KDM4C: variants seen among roughly 807,000 people sequenced by gnomAD.
KDM4C encodes lysine-specific demethylase 4C.
In KDM4C, 81 loss-of-function variants were observed where a neutral mutation model predicts 129.3. That is an observed-to-expected ratio of 0.63 (90% confidence interval 0.52 to 0.75). The LOEUF is 0.75. Ranked by LOEUF, KDM4C falls within the 30% of genes least tolerant of loss-of-function variation. The probability of loss-of-function intolerance (pLI) is 0.00; values close to 1 mark genes in which losing one functional copy is unlikely to be tolerated. For missense variants in KDM4C, 1,457 were observed against 1,304.0 expected (o/e 1.12, Z -1.81); for synonymous variants, 573 against 456.1 (o/e 1.26, Z -3.26).
chr9:7,105,333 T>C (rs1447192021), intron 18 of KDM4C: 8 of 426,494 alleles, frequency 1.9e-5, no homozygotes, highest in Non-Finnish European at 3.9e-5. Context: ...CCTGTGCAAG[T>C]TCTTATTTCT....
chr9:6,892,717 T>G (rs1013752587), intron 7 of KDM4C, among the ~76,000 whole-genome samples: 1 of 152,216 alleles, frequency 6.6e-6, no homozygotes, highest in African/African-American at 2.4e-5. Context: ...ACAATGTCAG[T>G]TATTATATGA....
chr9:6,963,337 ATATT>A (rs1163759834), intron 8 of KDM4C, among the ~76,000 whole-genome samples: 1 of 152,224 alleles, frequency 6.6e-6, no homozygotes, highest in Non-Finnish European at 1.5e-5. Flanking sequence ...CATGCAGTAA[ATATT>A]TATTGACCAC....
chr9:7,141,692 G>C (rs73639822), intron 19 of KDM4C, among the ~76,000 whole-genome samples: 2 of 152,122 alleles, frequency 1.3e-5, no homozygotes, highest in African/African-American at 4.8e-5. Context: ...GGTTGTGTTG[G>C]AGTTTCTTCC....
chr9:6,847,240 G>T (rs1489362961), intron 4 of KDM4C, among the ~76,000 whole-genome samples: 5 of 152,138 alleles, frequency 3.3e-5, no homozygotes, highest in African/African-American at 1.2e-4. Context: ...CTTCACTAAT[G>T]ACTTTTAAAT....
chr9:7,124,768 CA>C (rs1478870720), intron 18 of KDM4C, among the ~76,000 whole-genome samples: 3 of 152,228 alleles, frequency 2.0e-5, no homozygotes, highest in Admixed American at 6.5e-5. Context: ...TTTTCCCAAG[CA>C]ACCCAGTAAT....
chr9:6,787,812 T>C (rs1344849030), intron 1 of KDM4C, among the ~76,000 whole-genome samples: 4 of 152,202 alleles, frequency 2.6e-5, no homozygotes, highest in Non-Finnish European at 5.9e-5. Flanking sequence ...TCCAGAAAAG[T>C]TTCTTTAGAG....
chr9:7,140,849 G>C (rs1041129141), intron 19 of KDM4C, among the ~76,000 whole-genome samples: 2 of 152,210 alleles, frequency 1.3e-5, no homozygotes, highest in African/African-American at 4.8e-5. Context: ...GTCCTGGGAT[G>C]ACAGGAATAT....
At chr9:6,910,908 A>G (rs1016554957) in intron 8 of KDM4C, among the ~76,000 whole-genome samples, 1 of 152,212 alleles carries the variant, frequency 6.6e-6, no homozygotes, top group African/African-American at 2.4e-5. Context: ...ACGTTTATTG[A>G]TATGTGTAGA....
At chr9:6,854,028 A>G (rs998331887) in intron 5 of KDM4C, among the ~76,000 whole-genome samples, 1 of 152,182 alleles carries the variant, frequency 6.6e-6, no homozygotes, top group African/African-American at 2.4e-5. Flanking sequence ...AACCATGAAA[A>G]TAATTTTTTT....
chr9:6,807,354 T>C (rs865931664), intron 3 of KDM4C, among the ~76,000 whole-genome samples: 15 of 147,106 alleles, frequency 1.0e-4, no homozygotes, highest in Admixed American at 5.3e-4. Flanking sequence ...TCGTCTGGGA[T>C]GTGAGGAGCC....
At chr9:7,083,393 A>C (rs12338816) in intron 17 of KDM4C, among the ~76,000 whole-genome samples, 3,221 of 152,358 alleles carry the variant, frequency 0.021, 119 homozygotes, top group African/African-American at 0.073. Flanking sequence ...ATTGCTTAAC[A>C]ATGGGGATGC....
chr9:6,801,826 T>C (rs1389511546), intron 2 of KDM4C, among the ~76,000 whole-genome samples: 1 of 152,034 alleles, frequency 6.6e-6, no homozygotes, highest in African/African-American at 2.4e-5. Context: ...ATCAGTGAGC[T>C]GGGCGCGGTG....
chr9:7,073,337 G>T (rs894518988), intron 17 of KDM4C, among the ~76,000 whole-genome samples: 2 of 152,166 alleles, frequency 1.3e-5, no homozygotes, highest in African/African-American at 4.8e-5. Flanking sequence ...TTAGCACAAT[G>T]GTTGGCACTG....
rs535378002 is a variant in KDM4C, at chr9:6,879,470, A to G, written c.630-542A>G. On this transcript the variant is annotated intron_variant, in intron 5 of 21. Coordinates refer to ENST00000381309, the MANE Select transcript of KDM4C (RefSeq NM_015061.6). ...AGGCTGATAATCTTTTGCTTATTAA[A>G]GTCTGTTTGAAAATTACGGTGTTCT... 5.3e-5 allele frequency among the ~76,000 whole-genome samples: 8 copies of G among 152,314 alleles called. No homozygotes were observed. In the East Asian group the frequency reaches 1.5e-3, roughly 29 times the overall value.
At chr9:6,964,996 C>T (rs1256939968) in intron 8 of KDM4C, among the ~76,000 whole-genome samples, 1 of 151,650 alleles carries the variant, frequency 6.6e-6, no homozygotes, top group South Asian at 2.1e-4. Context: ...GATTTTTCTC[C>T]TACATAACCT....
chr9:6,750,949 G>A (rs2130304544), intron 1 of KDM4C, among the ~76,000 whole-genome samples: 1 of 152,320 alleles, frequency 6.6e-6, no homozygotes, highest in African/African-American at 2.4e-5. Context: ...GGCAGCTGGT[G>A]CTGGCAGTCC....
intron 15 of KDM4C, among the ~76,000 whole-genome samples, chr9:7,026,604 C>A (rs982415190): frequency 6.6e-6 from 1 of 151,972 alleles, no homozygotes; most frequent in Non-Finnish European, 1.5e-5. Context: ...CTGTAATCTT[C>A]TTGTACTTTG....
chr9:6,831,986 A>G (rs887043644), intron 4 of KDM4C, among the ~76,000 whole-genome samples: 5 of 152,178 alleles, frequency 3.3e-5, no homozygotes, highest in Non-Finnish European at 7.3e-5. Context: ...ATAAAAGCTT[A>G]TTATAAGACA....
chr9:6,722,189 G>A (rs915009530), intron 1 of KDM4C, among the ~76,000 whole-genome samples: 1 of 152,150 alleles, frequency 6.6e-6, no homozygotes, highest in Non-Finnish European at 1.5e-5. Context: ...GAAGAAAGAG[G>A]GATGTGGGCC....
Sources: allele counts gnomAD v4.1 joint callset (sites outside exome capture counted in the v4.1 genomes callset), GRCh38; gene constraint gnomAD v4.1.1; transcripts MANE v1.5; gene names NCBI Gene and HGNC (gene_info 2026-07-23, HGNC 2026-07-21).